Variants in RAI1 observed in about 807,000 individuals in gnomAD.
RAI1 encodes the protein retinoic acid-induced protein 1.
Under a neutral mutation model 123.8 loss-of-function variants are expected in RAI1, and 9 were observed. The ratio of observed to expected loss-of-function variants is 0.07; its 90% CI spans 0.04 to 0.13. The LOEUF (loss-of-function observed/expected upper bound fraction) is 0.13. RAI1 is among the 10% of genes least tolerant of loss of function. The probability of loss-of-function intolerance (pLI) is 1.00; values close to 1 mark genes in which losing one functional copy is unlikely to be tolerated. For synonymous variants in RAI1, 1,231 were observed against 1,127.3 expected (o/e 1.09, Z -1.84); for missense variants, 2,256 against 2,545.8 (o/e 0.89, Z 2.45).
intron 1 of RAI1, among the ~76,000 whole-genome samples, chr17:17,709,120 G>A (rs772172710): frequency 5.3e-5 from 8 of 152,122 alleles, no homozygotes; most frequent in Non-Finnish European, 8.8e-5. Flanking sequence ...GCAGCCACCC[G>A]GGGACCATCA....
chr17:17,734,656 C>T (rs181436592), intron 2 of RAI1, among the ~76,000 whole-genome samples: 2 of 152,328 alleles, frequency 1.3e-5, no homozygotes, highest in East Asian at 1.9e-4. Flanking sequence ...GTGTCAGGGA[C>T]GGACCTGGTG....
At chr17:17,686,270 T>A (rs1003703842) in intron 1 of RAI1, among the ~76,000 whole-genome samples, 3 of 126,030 alleles carry the variant, frequency 2.4e-5, no homozygotes, top group African/African-American at 9.3e-5. Flanking sequence ...CAGGTCTGTG[T>A]GGATCTTGTG....
At chr17:17,690,174 C>T (rs766773628) in intron 1 of RAI1, among the ~76,000 whole-genome samples, 32 of 152,122 alleles carry the variant, frequency 2.1e-4, no homozygotes, top group South Asian at 6.2e-4. Context: ...CACCTGAGCC[C>T]GGGAGTTCGA....
chr17:17,776,326 T>C (rs1416215517), intron 2 of RAI1, among the ~76,000 whole-genome samples: 1 of 152,248 alleles, frequency 6.6e-6, no homozygotes, highest in African/African-American at 2.4e-5. Flanking sequence ...CACATGCTCA[T>C]GGTAGAAAAA....
rs141808855 is a variant in RAI1 at position 17,794,723 on chromosome 17, G to C, written c.1775G>C (p.Arg592Pro). The change falls in exon 3 of 6, where the codon CGG becomes CCG. Residue 592 changes from arginine to proline, a missense_variant. By Grantham distance (103) the Arg-to-Pro change is moderately radical. This residue lies in a region of RAI1 where 357 missense variants were observed against 480.2 expected (regional missense o/e 0.74). Transcript: ENST00000353383. Reference sequence around the variant, plus strand: ...TTCTCCAAGTTCGTGGCGGGTGAGCGGGACTGTCCGCGGCTGCTGCTCAGC... The same window carrying C: ...TTCTCCAAGTTCGTGGCGGGTGAGCCGGACTGTCCGCGGCTGCTGCTCAGC... ...DSFSKFVAGE[R>P]DCPRLLLSAL... 293 of 1,611,308 alleles carry C rather than the reference G, an allele frequency of 1.8e-4. No individual in the cohort carries two copies. The highest frequency in any genetic ancestry group is 2.3e-4 in the Non-Finnish European group (275 of 1,180,044).
intron 2 of RAI1, among the ~76,000 whole-genome samples, chr17:17,756,907 CTGTTCATGACTGTTGCCAT>C (rs1247536842): frequency 1.3e-4 from 20 of 152,208 alleles, no homozygotes; most frequent in African/African-American, 4.8e-4. Flanking sequence ...GAACGGTATT[CTGTTCATGACTGTTGCCAT>C]TGTTATTAAC....
intron 2 of RAI1, among the ~76,000 whole-genome samples, chr17:17,737,265 G>C (rs1916459751): frequency 6.6e-6 from 1 of 152,186 alleles, no homozygotes; most frequent in Non-Finnish European, 1.5e-5. Context: ...AAGGCCACTT[G>C]AGGAGGCAAT....
rs1158475382 is a variant in RAI1, at chr17:17,754,191, C to CTTTTTTTTTTTTTTTTTTTTTTTTT, written c.-17+30038_-17+30062dup. 4.0e-5 allele frequency among the ~76,000 whole-genome samples: 3 copies of CTTTTTTTTTTTTTTTTTTTTTTTTT among 75,720 alleles called. 1 individual carries two copies. Among genetic ancestry groups the CTTTTTTTTTTTTTTTTTTTTTTTTT allele is most frequent in the African/African-American group, 1.2e-4 (2 of 17,328 alleles). The allele number at this position is 75,720 out of a possible 152,430, so 49.7% of individuals were successfully genotyped here. On this transcript the variant is annotated intron_variant, in intron 2 of 5. Coordinates refer to ENST00000353383, the MANE Select transcript of RAI1 (RefSeq NM_030665.4). Reference sequence around the variant, plus strand: ...TTTTATGCCATTCGCCTAACCCAATCTTTTTTTTTTTTTTTTTTTTTTTTT... The same window carrying CTTTTTTTTTTTTTTTTTTTTTTTTT: ...TTTTATGCCATTCGCCTAACCCAATCTTTTTTTTTTTTTTTTTTTTTTTTTTTTTTTTTTTTTTTTTTTTTTTTTT...
At chr17:17,689,986 C>T (rs1914781991) in intron 1 of RAI1, among the ~76,000 whole-genome samples, 1 of 152,134 alleles carries the variant, frequency 6.6e-6, no homozygotes, top group Admixed American at 6.5e-5. Flanking sequence ...AAAGCTGCTT[C>T]TCTGCTTGAC....
At chr17:17,785,890 A>C (rs947754988) in intron 2 of RAI1, among the ~76,000 whole-genome samples, 8 of 152,230 alleles carry the variant, frequency 5.3e-5, no homozygotes, top group African/African-American at 1.9e-4. Flanking sequence ...ATTTGACCCC[A>C]GGAGCTTGTG....
intron 1 of RAI1, among the ~76,000 whole-genome samples, chr17:17,688,486 A>G (rs891590655): frequency 1.8e-5 from 2 of 112,144 alleles, no homozygotes; most frequent in South Asian, 4.4e-4. Context: ...TTCAGTCTCA[A>G]TGATAAATAA....
In RAI1 at chr17:17,757,431, C is replaced by A. The variant is rs150804714; in HGVS notation, c.-17+33272C>A. Reference sequence around the variant, plus strand: ...CTACAGACCAGTTCAATTCCAGTAACCCCAGCCTGCCGTAGGGGTGGGGGA... The same window carrying A: ...CTACAGACCAGTTCAATTCCAGTAAACCCAGCCTGCCGTAGGGGTGGGGGA... On this transcript the variant is annotated intron_variant, in intron 2 of 5. Coordinates refer to ENST00000353383, the MANE Select transcript of RAI1 (RefSeq NM_030665.4). Among the ~76,000 whole-genome samples the A allele has an allele frequency of 5.1e-3, 776 of 152,286 alleles. 4 individuals are homozygous for A. Among genetic ancestry groups the A allele is most frequent in the Admixed American group, 0.013 (199 of 15,300 alleles).
chr17:17,808,374 ATATTTTATTTTATTATTTTATTTTATTT>A (rs2032635932), intron 4 of RAI1, among the ~76,000 whole-genome samples: 11 of 146,928 alleles, frequency 7.5e-5, no homozygotes, highest in African/African-American at 2.3e-4. Flanking sequence ...ATTTTATTTT[ATATTTTATTTTATTATTTTATTTTATTT>A]TATTTTATTT....
At chr17:17,771,725 G>A (rs2031165919) in intron 2 of RAI1, among the ~76,000 whole-genome samples, 1 of 152,202 alleles carries the variant, frequency 6.6e-6, no homozygotes, top group South Asian at 2.1e-4. Context: ...GCCTGTCGGG[G>A]GCTGGTATGC....
At chr17:17,778,539 A>G in intron 2 of RAI1, 1 of 356,116 alleles carries the variant, frequency 2.8e-6, no homozygotes, top group Non-Finnish European at 5.6e-6. Context: ...GAGCTGGGAT[A>G]TGAATCCAGA....
At chr17:17,780,820 G>A (rs894798584) in intron 2 of RAI1, among the ~76,000 whole-genome samples, 1 of 152,230 alleles carries the variant, frequency 6.6e-6, no homozygotes. Flanking sequence ...AGCCCCTTGA[G>A]AACCCCCACT....
At chr17:17,770,043 C>T (rs2031087218) in intron 2 of RAI1, among the ~76,000 whole-genome samples, 1 of 152,106 alleles carries the variant, frequency 6.6e-6, no homozygotes, top group South Asian at 2.1e-4. Context: ...CCCTCCAGGA[C>T]CCTAGGCAGG....
intron 4 of RAI1, among the ~76,000 whole-genome samples, chr17:17,806,195 C>A (rs1021695591): frequency 2.0e-5 from 3 of 152,162 alleles, no homozygotes; most frequent in Admixed American, 6.5e-5. Context: ...AGGAAGACTT[C>A]CAGGAGGAGG....
At chr17:17,762,930 AG>A (rs1231646953) in intron 2 of RAI1, among the ~76,000 whole-genome samples, 1 of 152,068 alleles carries the variant, frequency 6.6e-6, no homozygotes, top group African/African-American at 2.4e-5. Flanking sequence ...GAGTCGATAA[AG>A]GCCACTTGGA....
Sources: allele counts gnomAD v4.1 joint callset (sites outside exome capture counted in the v4.1 genomes callset), GRCh38; gene constraint gnomAD v4.1.1; regional missense constraint gnomAD v4.1.1; transcripts MANE v1.5; gene names NCBI Gene and HGNC (gene_info 2026-07-23, HGNC 2026-07-21).